Variants in CAMK2D observed in about 807,000 individuals in gnomAD.
CAMK2D encodes the protein calcium/calmodulin-dependent protein kinase type II subunit delta.
In CAMK2D, 37 loss-of-function variants were observed where a neutral mutation model predicts 84.0. That is an observed-to-expected ratio of 0.44 (90% CI 0.34 to 0.58). CAMK2D has a LOEUF of 0.58. Among genes scored for constraint, CAMK2D ranks in the 20% least tolerant of loss-of-function variants. The pLI is 0.02. For synonymous variants in CAMK2D, 202 were observed against 212.5 expected, an observed-to-expected ratio of 0.95 and a Z score of 0.43; for missense variants, 448 against 652.5, an observed-to-expected ratio of 0.69 and a Z score of 3.41.
rs1378523014 is a variant in CAMK2D at position 113,761,665 on chromosome 4, C to A, written c.-597G>T. On this transcript the variant is annotated 5_prime_UTR_variant, in exon 1 of 21. Transcript: ENST00000511664. ...CTCCGGCGGGCGGCAGCGGCTCCGG[C>A]GAAGCGAGGCACCTTGGCGGCCTCG... 4.1e-6 allele frequency: 4 copies of A among 984,884 alleles called. No individual in the cohort carries two copies. In the African/African-American group the frequency reaches 5.2e-5, roughly 13 times the overall value. 61.0% of individuals were successfully genotyped at this position (984,884 alleles called of 1,614,324 possible).
intron 3 of CAMK2D, among the ~76,000 whole-genome samples, chr4:113,620,370 T>C (rs1213922694): frequency 6.6e-6 from 1 of 152,178 alleles, no homozygotes; most frequent in Non-Finnish European, 1.5e-5. Context: ...CTAGACTTAT[T>C]ATTGTACAAT....
chr4:113,544,008 G>T (rs991887644), intron 6 of CAMK2D, among the ~76,000 whole-genome samples: 1 of 151,942 alleles, frequency 6.6e-6, no homozygotes, highest in South Asian at 2.1e-4. Context: ...AGCCGGGATG[G>T]TCTCGATCTC....
At chr4:113,753,946 G>T in intron 2 of CAMK2D, 1 of 979,890 alleles carries the variant, frequency 1.0e-6, no homozygotes, top group Non-Finnish European at 1.2e-6. Context: ...TGCTTGAATT[G>T]TAATGCCATT....
At chr4:113,466,249 C>T (rs1272829619) in intron 16 of CAMK2D, among the ~76,000 whole-genome samples, 1 of 147,074 alleles carries the variant, frequency 6.8e-6, no homozygotes, top group Non-Finnish European at 1.5e-5. Flanking sequence ...AAGAGCAAAA[C>T]TCCGTCTCAA....
chr4:113,727,272 T>A (rs1016648213), intron 2 of CAMK2D, among the ~76,000 whole-genome samples: 4 of 152,132 alleles, frequency 2.6e-5, no homozygotes, highest in Non-Finnish European at 5.9e-5. Context: ...CTCGGATAGA[T>A]AAAACTAGCT....
chr4:113,724,001 T>C (rs1406299871), intron 2 of CAMK2D, among the ~76,000 whole-genome samples: 1 of 152,152 alleles, frequency 6.6e-6, no homozygotes, highest in Non-Finnish European at 1.5e-5. Context: ...ATATTACGTA[T>C]TACGTTAATA....
intron 3 of CAMK2D, among the ~76,000 whole-genome samples, chr4:113,648,521 G>A (rs900015895): frequency 6.6e-6 from 1 of 152,210 alleles, no homozygotes; most frequent in African/African-American, 2.4e-5. Context: ...AATGAAAGTA[G>A]TTGAGCCAAC....
intron 2 of CAMK2D, among the ~76,000 whole-genome samples, chr4:113,733,299 G>A (rs894017997): frequency 1.3e-5 from 2 of 152,100 alleles, no homozygotes; most frequent in Non-Finnish European, 2.9e-5. Flanking sequence ...TTTATTAAAG[G>A]AGCCTTGGTC....
intron 4 of CAMK2D, among the ~76,000 whole-genome samples, chr4:113,582,074 GC>G (rs1380656822): frequency 6.6e-6 from 1 of 152,042 alleles, no homozygotes; most frequent in Non-Finnish European, 1.5e-5. Flanking sequence ...CTTAACCATG[GC>G]TTTTGGAGAG....
intron 2 of CAMK2D, chr4:113,753,670 T>C (rs2099622153): frequency 2.4e-6 from 1 of 412,220 alleles, no homozygotes; most frequent in Non-Finnish European, 3.3e-6. Flanking sequence ...TAAAAATAAC[T>C]GTATACTGAT....
intron 2 of CAMK2D, among the ~76,000 whole-genome samples, chr4:113,724,197 T>C (rs1217016195): frequency 1.3e-5 from 2 of 152,092 alleles, no homozygotes; most frequent in South Asian, 4.1e-4. Context: ...GATTACTTTA[T>C]ATAAAACTGT....
intron 16 of CAMK2D, among the ~76,000 whole-genome samples, chr4:113,486,374 C>T (rs1181753626): frequency 6.6e-6 from 1 of 152,074 alleles, no homozygotes; most frequent in Admixed American, 6.5e-5. Context: ...ATCCTCTGGC[C>T]TCAGCATCCC....
chr4:113,621,692 G>C (rs1460023524), intron 3 of CAMK2D, among the ~76,000 whole-genome samples: 11 of 152,190 alleles, frequency 7.2e-5, no homozygotes, highest in Non-Finnish European at 1.2e-4. Flanking sequence ...AATGCTATTT[G>C]CTGGGGATAT....
chr4:113,707,733 C>T lies in CAMK2D; in HGVS notation c.161-45961G>A, dbSNP rs1045634036. 1.2e-4 allele frequency among the ~76,000 whole-genome samples: 18 copies of T among 152,174 alleles called. 1 individual carries two copies. The highest frequency in any genetic ancestry group is 1.2e-3 in the East Asian group (6 of 5,180). On this transcript the variant is annotated intron_variant, in intron 2 of 20. Coordinates refer to ENST00000511664, the MANE Select transcript of CAMK2D (RefSeq NM_001321571.2). ...CTCCAAATGATAGGGGGCAATAGAA[C>T]GAAAATTGCTGTAAATCAAACCATA...
chr4:113,541,286 C>T lies in CAMK2D; in HGVS notation c.415-3843G>A, dbSNP rs200084139. On this transcript the variant is annotated intron_variant, in intron 6 of 20. Transcript: ENST00000511664. Reference sequence around the variant, plus strand: ...TTTTCTAATTCCTTCCTTTTAAAGACGTGATACTAAAGAAGCTCCACCAAT... The same window carrying T: ...TTTTCTAATTCCTTCCTTTTAAAGATGTGATACTAAAGAAGCTCCACCAAT... Among the ~76,000 whole-genome samples, 26 of 152,144 alleles carry T rather than the reference C, an allele frequency of 1.7e-4. No individual in the cohort carries two copies. In the East Asian group the frequency reaches 3.7e-3, roughly 21 times the overall value.
intron 13 of CAMK2D, among the ~76,000 whole-genome samples, chr4:113,505,438 A>G (rs2098116510): frequency 3.3e-5 from 5 of 152,140 alleles, no homozygotes; most frequent in Admixed American, 3.3e-4. Context: ...TTTATTCTTG[A>G]GCCTGAAGTC....
At position 113,543,427 on chromosome 4, in the gene CAMK2D, C is replaced by T. The variant is rs574105454; in HGVS notation, c.414+4217G>A. On this transcript the variant is annotated intron_variant, in intron 6 of 20. Coordinates refer to ENST00000511664, the MANE Select transcript of CAMK2D (RefSeq NM_001321571.2). ...AGGGATGGGGGGTCTTGCTATGTTG[C>T]GCAGGCTGGTATTGAACTCCTGGCC... 1.8e-4 allele frequency among the ~76,000 whole-genome samples: 26 copies of T among 147,790 alleles called. 1 individual carries two copies. The highest frequency in any genetic ancestry group is 3.5e-3 in the Middle Eastern group (1 of 286).
chr4:113,489,151 T>A (rs4834342), intron 16 of CAMK2D, among the ~76,000 whole-genome samples: 33,659 of 151,816 alleles, frequency 0.22, 3,853 homozygotes, highest in Non-Finnish European at 0.26. Flanking sequence ...CTTTTTTTTT[T>A]ATTATACTTT....
At chr4:113,470,372 G>T (rs186260049) in intron 16 of CAMK2D, among the ~76,000 whole-genome samples, 2 of 152,058 alleles carry the variant, frequency 1.3e-5, no homozygotes, top group African/African-American at 4.8e-5. Context: ...TGGGCCAGGC[G>T]CGGTGGCTCA....
Sources: gnomAD v4.1 joint callset for allele counts (sites outside exome capture counted in the v4.1 genomes callset) on GRCh38, gnomAD v4.1.1 for gene constraint, MANE v1.5 for transcripts, NCBI Gene and HGNC (gene_info 2026-07-23, HGNC 2026-07-21) for gene names.